Variants in PDGFRA observed in about 807,000 individuals in gnomAD.
The protein encoded by PDGFRA is platelet-derived growth factor receptor alpha.
PDGFRA carries 25 observed loss-of-function variants against 121.5 expected under a neutral mutation model. The ratio of observed to expected loss-of-function variants is 0.21; its 90% CI spans 0.15 to 0.29. The LOEUF is 0.29. PDGFRA is among the 10% of genes least tolerant of loss of function. PDGFRA has a pLI of 1.00. For synonymous variants in PDGFRA, 463 were observed against 494.8 expected (o/e 0.94, Z 0.85); for missense variants, 1,008 against 1,345.1 (o/e 0.75, Z 3.92).
intron 1 of PDGFRA, among the ~76,000 whole-genome samples, chr4:54,258,138 C>T (rs1722474510): frequency 6.6e-6 from 1 of 152,126 alleles, no homozygotes; most frequent in Admixed American, 6.5e-5. Context: ...CTCTATTGCT[C>T]CTCCTTTCAT....
In PDGFRA at chr4:54,285,368, C is replaced by T. The variant is rs778036627; in HGVS notation, c.2324-3C>T. 1.2e-5 allele frequency: 14 copies of T among 1,184,382 alleles called. 1 individual carries two copies. The South Asian group carries it at 1.5e-4, about 12-fold the overall frequency. The allele number at this position is 1,184,382 out of a possible 1,614,324, so 73.4% of individuals were successfully genotyped here. A position where few individuals can be genotyped will look rare whatever the true frequency, so the allele number is the denominator to read the frequency against. ...ACCAATACATTTAATTTCTTTTCTG[C>T]AGACTCAGAAGTCAAAAACCTCCTT... On this transcript the variant is annotated splice_region_variant and splice_polypyrimidine_tract_variant and intron_variant, in intron 16 of 22. Transcript: ENST00000257290.
At chr4:54,248,066 G>A (rs947759135) in intron 1 of PDGFRA, among the ~76,000 whole-genome samples, 1 of 152,070 alleles carries the variant, frequency 6.6e-6, no homozygotes, top group African/African-American at 2.4e-5. Context: ...AAATAAAAGA[G>A]GATACAAACA....
At chr4:54,276,594 A>G (rs1459811004) in intron 12 of PDGFRA, among the ~76,000 whole-genome samples, 2 of 152,230 alleles carry the variant, frequency 1.3e-5, no homozygotes, top group South Asian at 2.1e-4. Context: ...GGAAAAGGGC[A>G]TAATTCCCAT....
chr4:54,263,510 A>G (rs1029255543), intron 3 of PDGFRA, among the ~76,000 whole-genome samples, 157 bp from the exon 4 acceptor site: 2 of 152,236 alleles, frequency 1.3e-5, no homozygotes, highest in Admixed American at 1.3e-4. Flanking sequence ...TGTAGCTGTC[A>G]TGATAACTAA....
In PDGFRA at chr4:54,297,717, C is replaced by T; in HGVS notation, c.*2445C>T. 1 of 233,606 alleles carries T rather than the reference C, an allele frequency of 4.3e-6. No homozygotes were observed. Among genetic ancestry groups the T allele is most frequent in the Non-Finnish European group, 8.5e-6 (1 of 118,048 alleles). The allele number at this position is 233,606 out of a possible 1,614,324, so 14.5% of individuals were successfully genotyped here. A position where few individuals can be genotyped will look rare whatever the true frequency, so the allele number is the denominator to read the frequency against. On this transcript the variant is annotated 3_prime_UTR_variant, in exon 23 of 23. Coordinates refer to ENST00000257290, the MANE Select transcript of PDGFRA (RefSeq NM_006206.6). ...GTTTCCTTTTGGCCTCCTGCAAAGT[C>T]TCCAGAAGAAAATTTGCCAATCTTT...
intron 1 of PDGFRA, among the ~76,000 whole-genome samples, chr4:54,235,816 A>G (rs1424181329): frequency 6.6e-6 from 1 of 152,246 alleles, no homozygotes; most frequent in South Asian, 2.1e-4. Context: ...TTTCAATTAA[A>G]CTATATAATT....
At chr4:54,265,136 GCACAT>G in intron 5 of PDGFRA, 87 bp downstream of exon 5, 1 of 1,273,208 alleles carries the variant, frequency 7.9e-7, no homozygotes. Flanking sequence ...TCACTGATGG[GCACAT>G]CACTGAGTTT....
At chr4:54,265,824 G>A (rs1722999733) in intron 5 of PDGFRA, among the ~76,000 whole-genome samples, 2 of 152,142 alleles carry the variant, frequency 1.3e-5, no homozygotes, top group Admixed American at 6.6e-5. Flanking sequence ...TTCTTATGGA[G>A]AACAAAAACG....
intron 22 of PDGFRA, among the ~76,000 whole-genome samples, chr4:54,294,274 GCTCT>G (rs1724771772): frequency 6.6e-6 from 1 of 151,846 alleles, no homozygotes; most frequent in African/African-American, 2.4e-5. Context: ...TGAATCTAGG[GCTCT>G]CTGTCTCAGA....
intron 1 of PDGFRA, among the ~76,000 whole-genome samples, chr4:54,241,611 A>G (rs1282958727): frequency 6.6e-6 from 1 of 151,784 alleles, no homozygotes; most frequent in Non-Finnish European, 1.5e-5. Context: ...GTGCAATGTC[A>G]TGATCTTGGT....
intron 16 of PDGFRA, among the ~76,000 whole-genome samples, chr4:54,284,564 CAGAGAGAGAGAG>C (rs59292448): frequency 2.7e-4 from 15 of 55,880 alleles, no homozygotes; most frequent in Non-Finnish European, 7.6e-4. Context: ...GAGAGAGAGA[CAGAGAGAGAGAG>C]AGAGAGAGAG....
chr4:54,260,754 A>G (rs187833549), intron 2 of PDGFRA, among the ~76,000 whole-genome samples: 82 of 152,156 alleles, frequency 5.4e-4, no homozygotes, highest in African/African-American at 1.9e-3. Flanking sequence ...ATTGTGAACC[A>G]TAAAGAACCC....
In PDGFRA at chr4:54,295,636, A is replaced by T; in HGVS notation, c.*364A>T. On this transcript the variant is annotated 3_prime_UTR_variant, in exon 23 of 23. Transcript: ENST00000257290. ...CTTCAGCATTGTAATTATGTAAATAACTCTAACCAAGGCTGTGTTTAGATT... is the reference window on the plus strand; with the variant it reads ...CTTCAGCATTGTAATTATGTAAATATCTCTAACCAAGGCTGTGTTTAGATT... The T allele has an allele frequency of 2.6e-6, 1 of 379,140 alleles. No homozygotes were observed. Among genetic ancestry groups the T allele is most frequent in the Admixed American group, 4.1e-5 (1 of 24,106 alleles). The allele number at this position is 379,140 out of a possible 1,614,324, so 23.5% of individuals were successfully genotyped here.
chr4:54,236,709 A>C (rs2110177982), intron 1 of PDGFRA, among the ~76,000 whole-genome samples: 1 of 152,238 alleles, frequency 6.6e-6, no homozygotes, highest in South Asian at 2.1e-4. Context: ...AGGCTGAGAC[A>C]GGAGAATCGC....
rs1400850021 is a variant in PDGFRA, at chr4:54,288,853, A to G, written c.2729A>G (p.Lys910Arg). ...GATTCTACTTTCTACAATAAGATCA[A>G]GAGTGGGTACCGGATGGCCAAGCCT... Reference protein sequence around the residue: ...MVDSTFYNKIKSGYRMAKPDH... With the variant: ...MVDSTFYNKIRSGYRMAKPDH... The change falls in exon 20 of 23, where the codon AAG (lysine) becomes AGG (arginine). Residue 910 changes from lysine (K) to arginine (R), a missense_variant. Physicochemically the swap from Lys to Arg is conservative, Grantham distance 26. This residue lies in a region of PDGFRA where 204 missense variants were observed against 243.0 expected (regional missense o/e 0.84). Transcript: ENST00000257290. The G allele has an allele frequency of 1.2e-6, 2 of 1,613,738 alleles. No individual in the cohort carries two copies. Among genetic ancestry groups the G allele is most frequent in the Admixed American group, 3.3e-5 (2 of 60,022 alleles).
chr4:54,273,413 T>C, intron 9 of PDGFRA, 124 bp from the exon 10 acceptor site: 1 of 754,394 alleles, frequency 1.3e-6, no homozygotes, highest in East Asian at 2.5e-5. Context: ...AATAAATCAG[T>C]GTGTATTGCC....
At chr4:54,235,396 C>G (rs191246957) in intron 1 of PDGFRA, among the ~76,000 whole-genome samples, 197 of 149,234 alleles carry the variant, frequency 1.3e-3, no homozygotes, top group Non-Finnish European at 1.8e-3. Flanking sequence ...GGAAATAGAG[C>G]CTTGCATTGC....
chr4:54,281,469 C>A, intron 16 of PDGFRA: 1 of 608,842 alleles, frequency 1.6e-6, no homozygotes, highest in Non-Finnish European at 2.5e-6. Context: ...CTTCTCATTG[C>A]CAAATGGGTG....
chr4:54,266,188 C>T (rs1723018082), intron 5 of PDGFRA, among the ~76,000 whole-genome samples: 1 of 151,980 alleles, frequency 6.6e-6, no homozygotes, highest in South Asian at 2.1e-4. Context: ...TTTTTTTTTC[C>T]AAACCGAAGT....
Sources: allele counts gnomAD v4.1 joint callset (sites outside exome capture counted in the v4.1 genomes callset), GRCh38; gene constraint gnomAD v4.1.1; regional missense constraint gnomAD v4.1.1; transcripts MANE v1.5; gene names NCBI Gene and HGNC (gene_info 2026-07-23, HGNC 2026-07-21).